ASIC2: variants seen among roughly 807,000 people sequenced by gnomAD.
ASIC2 encodes acid sensing ion channel subunit 2.
A neutral mutation model predicts 57.3 loss-of-function variants in ASIC2; 25 were observed. That is an observed-to-expected ratio of 0.44 (90% CI 0.32 to 0.61). The LOEUF (loss-of-function observed/expected upper bound fraction) is 0.61, where lower values mean the gene tolerates loss of function less well. ASIC2 is among the 20% of genes least tolerant of loss of function. The pLI, the probability that ASIC2 is intolerant of heterozygous loss-of-function variation, is 0.06. For missense variants in ASIC2, 641 were observed against 738.1 expected (o/e 0.87, Z 1.52); for synonymous variants, 319 against 307.5 (o/e 1.04, Z -0.39).
intron 1 of ASIC2, among the ~76,000 whole-genome samples, chr17:33,513,105 G>C (rs981287627): frequency 1.3e-5 from 2 of 152,192 alleles, no homozygotes; most frequent in Non-Finnish European, 2.9e-5. Flanking sequence ...CTTGGGGATG[G>C]GTATAAATGA....
At chr17:33,786,580 A>G (rs1181078538) in intron 1 of ASIC2, among the ~76,000 whole-genome samples, 1 of 152,194 alleles carries the variant, frequency 6.6e-6, no homozygotes, top group Non-Finnish European at 1.5e-5. Flanking sequence ...AATTTAATAA[A>G]TTTCATTTTA....
At chr17:33,658,114 G>C (rs1907133873) in intron 1 of ASIC2, among the ~76,000 whole-genome samples, 1 of 152,202 alleles carries the variant, frequency 6.6e-6, no homozygotes, top group African/African-American at 2.4e-5. Flanking sequence ...CATACATGCT[G>C]CTCAGAGCCT....
At chr17:33,954,455 G>T (rs1424422655) in intron 1 of ASIC2, among the ~76,000 whole-genome samples, 1 of 152,188 alleles carries the variant, frequency 6.6e-6, no homozygotes, top group African/African-American at 2.4e-5. Context: ...CCCACCTGGG[G>T]CATCCCGGGA....
At chr17:33,470,970 A>G (rs933295873) in intron 1 of ASIC2, among the ~76,000 whole-genome samples, 1 of 141,454 alleles carries the variant, frequency 7.1e-6, no homozygotes, top group African/African-American at 2.7e-5. Flanking sequence ...TGTATTCTGG[A>G]TCTTTTTATC....
intron 1 of ASIC2, among the ~76,000 whole-genome samples, chr17:34,049,388 TA>T (rs1193378500): frequency 6.6e-6 from 1 of 152,162 alleles, no homozygotes; most frequent in African/African-American, 2.4e-5. Flanking sequence ...TGAGTTGAAC[TA>T]AGGTCCAAAT....
At chr17:33,961,306 C>T (rs925482007) in intron 1 of ASIC2, among the ~76,000 whole-genome samples, 1 of 152,302 alleles carries the variant, frequency 6.6e-6, no homozygotes, top group African/African-American at 2.4e-5. Context: ...TTATGTAGGA[C>T]AAAGCCTCAG....
intron 1 of ASIC2, among the ~76,000 whole-genome samples, chr17:34,105,236 GA>G (rs1318019309): frequency 6.6e-6 from 1 of 151,876 alleles, no homozygotes; most frequent in Non-Finnish European, 1.5e-5. Flanking sequence ...TTTCTTGCAT[GA>G]TTTTTTAAAT....
chr17:33,896,183 A>G (rs1915090630), intron 1 of ASIC2, among the ~76,000 whole-genome samples: 1 of 152,218 alleles, frequency 6.6e-6, no homozygotes, highest in Non-Finnish European at 1.5e-5. Flanking sequence ...CTGGTAGAGG[A>G]CAAATGAATG....
intron 1 of ASIC2, among the ~76,000 whole-genome samples, chr17:33,144,289 G>A (rs1375375906): frequency 6.6e-6 from 1 of 152,244 alleles, no homozygotes; most frequent in East Asian, 1.9e-4. Context: ...TGTGCAATGA[G>A]GGCAGAAGAG....
At chr17:33,378,211 G>T (rs1044200457) in intron 1 of ASIC2, among the ~76,000 whole-genome samples, 1 of 152,208 alleles carries the variant, frequency 6.6e-6, no homozygotes, top group Admixed American at 6.5e-5. Context: ...ATCAGAGATT[G>T]TTGTGATCAT....
intron 1 of ASIC2, among the ~76,000 whole-genome samples, chr17:33,980,086 G>A (rs1038861586): frequency 1.3e-5 from 2 of 152,118 alleles, no homozygotes; most frequent in African/African-American, 2.4e-5. Flanking sequence ...TGGGCTTCAA[G>A]CCAAGTCAGA....
At chr17:33,994,637 G>A (rs1906098248) in intron 1 of ASIC2, among the ~76,000 whole-genome samples, 1 of 152,132 alleles carries the variant, frequency 6.6e-6, no homozygotes, top group Admixed American at 6.5e-5. Context: ...GCTGTAGCAG[G>A]CACCGAGGAC....
chr17:33,663,065 A>G (rs1043496170), intron 1 of ASIC2, among the ~76,000 whole-genome samples: 1 of 152,186 alleles, frequency 6.6e-6, no homozygotes, highest in African/African-American at 2.4e-5. Flanking sequence ...ACGCACACAC[A>G]CTGACGGAGA....
rs139278118 is a variant in ASIC2, at chr17:33,808,833, G to A, written c.555+347145C>T. Among the ~76,000 whole-genome samples the A allele has an allele frequency of 1.3e-4, 20 of 152,302 alleles. No individual in the cohort carries two copies. In the East Asian group the frequency reaches 3.7e-3, roughly 28 times the overall value. Reference sequence around the variant, plus strand: ...TACATGACAAATAGTCAGTATTAGGGCCACTTTCCCTGACCCCTATTCTAT... The same window carrying A: ...TACATGACAAATAGTCAGTATTAGGACCACTTTCCCTGACCCCTATTCTAT... On this transcript the variant is annotated intron_variant, in intron 1 of 9. Coordinates refer to the ASIC2 transcript ENST00000359872.
In ASIC2 at chr17:33,219,108, T is replaced by A. The variant is rs974184246; in HGVS notation, c.708+72300A>T. 2.0e-5 allele frequency among the ~76,000 whole-genome samples: 3 copies of A among 152,188 alleles called. No homozygotes were observed. In the East Asian group the frequency reaches 5.8e-4, roughly 29 times the overall value. On this transcript the variant is annotated intron_variant, in intron 1 of 9. Coordinates refer to ENST00000225823, the MANE Select transcript of ASIC2 (RefSeq NM_183377.2). ...TTCAGATTCTTAGTGCTTCAATTAC[T>A]TAAAAACTCCAGGGCCTGATGAAGC...
chr17:33,719,985 G>A (rs571884762), intron 1 of ASIC2, among the ~76,000 whole-genome samples: 1 of 152,286 alleles, frequency 6.6e-6, no homozygotes, highest in African/African-American at 2.4e-5. Flanking sequence ...GGGCTCAAGT[G>A]ATACTCTTGC....
chr17:33,616,548 T>G (rs9907856), intron 1 of ASIC2, among the ~76,000 whole-genome samples: 10 of 152,182 alleles, frequency 6.6e-5, no homozygotes, highest in Non-Finnish European at 1.2e-4. Flanking sequence ...AAATCCATAT[T>G]TAACTTGAAT....
At chr17:33,948,183 T>C (rs1181802436) in intron 1 of ASIC2, among the ~76,000 whole-genome samples, 2 of 152,124 alleles carry the variant, frequency 1.3e-5, no homozygotes, top group Admixed American at 6.5e-5. Flanking sequence ...AGAACAGAGG[T>C]GGCTGATAAT....
At chr17:34,039,618 A>C in intron 1 of ASIC2, 1 of 1,613,622 alleles carries the variant, frequency 6.2e-7, no homozygotes, top group Non-Finnish European at 8.5e-7. Context: ...CAAAGTAATC[A>C]CTAATTTTAT....
Sources: allele counts gnomAD v4.1 joint callset (sites outside exome capture counted in the v4.1 genomes callset), GRCh38; gene constraint gnomAD v4.1.1; transcripts MANE v1.5; gene names NCBI Gene and HGNC (gene_info 2026-07-23, HGNC 2026-07-21).